STARD9: variants seen among roughly 807,000 people sequenced by gnomAD.
The protein encoded by STARD9 is StAR related lipid transfer domain containing 9.
In STARD9, 346 loss-of-function variants were observed where a neutral mutation model predicts 399.8. The ratio of observed to expected loss-of-function variants is 0.87; its 90% confidence interval spans 0.79 to 0.95. STARD9 has a LOEUF of 0.95. Among genes scored for constraint, STARD9 ranks in the 40% least tolerant of loss-of-function variants. STARD9 has a pLI of 0.00. For synonymous variants in STARD9, 2,203 were observed against 2,143.5 expected (o/e 1.03, Z -0.77); for missense variants, 5,832 against 5,667.5 (o/e 1.03, Z -0.93).
intron 17 of STARD9, 83 bp downstream of exon 17, chr15:42,674,574 C>A: frequency 2.2e-6 from 3 of 1,347,810 alleles, no homozygotes; most frequent in South Asian, 1.3e-5. Context: ...TGATGATGCT[C>A]TGAGAAGAAG....
chr15:42,666,849 C>G (rs907513121), intron 15 of STARD9, among the ~76,000 whole-genome samples: 1 of 152,178 alleles, frequency 6.6e-6, no homozygotes, highest in African/African-American at 2.4e-5. Context: ...GAGTCTCACT[C>G]TGTCACCCAG....
rs1302366060 is a variant in STARD9, at chr15:42,652,609, G to A, written c.702+17G>A. ...TACACGCAGGTTGGTAACTCCTTAT[G>A]TTTGGTGAGATTTCTTCCTCTCCTT... On this transcript the variant is annotated intron_variant, in intron 9 of 32. Transcript: ENST00000290607. The A allele has an allele frequency of 6.5e-7, 1 of 1,534,030 alleles. No individual in the cohort carries two copies. The highest frequency in any genetic ancestry group is 2.0e-5 in the Admixed American group (1 of 50,968).
At position 42,686,075 on chromosome 15, in the gene STARD9, T is replaced by C; in HGVS notation, c.4497T>C (p.Val1499=). ...QKYLLELSCP[V]LEAIGAPKPA... ...ACCTCCTTGAACTCTCTTGTCCTGTTTTGGAGGCCATAGGAGCACCCAAGC... is the reference window on the plus strand; with the variant it reads ...ACCTCCTTGAACTCTCTTGTCCTGTCTTGGAGGCCATAGGAGCACCCAAGC... Residue 1499 remains valine (V), a synonymous_variant, in exon 23 of 33, where the codon GTT becomes GTC. Transcript: ENST00000290607. 1.3e-6 allele frequency: 2 copies of C among 1,537,226 alleles called. No homozygotes were observed. Among genetic ancestry groups the C allele is most frequent in the Non-Finnish European group, 1.7e-6 (2 of 1,146,894 alleles).
In STARD9 at chr15:42,689,654, T is replaced by C; in HGVS notation, c.8076T>C (p.Phe2692=). 6.5e-7 allele frequency: 1 copy of C among 1,537,736 alleles called. No homozygotes were observed. Among genetic ancestry groups the C allele is most frequent in the South Asian group, 1.2e-5 (1 of 84,066 alleles). ...AGTTCGCGGGAGCAAGTGAACCATT[T>C]ATATGTCACTCTAGTTCTTCTGAAA... ...LRQFAGASEP[F]ICHSSSSEII... is the part of the protein sequence containing the mutation. The change falls in exon 23 of 33, where the codon TTT becomes TTC. Residue 2692 remains phenylalanine (F), a synonymous_variant. Coordinates refer to ENST00000290607, the MANE Select transcript of STARD9 (RefSeq NM_020759.3).
rs896547427 is a variant in STARD9 at position 42,655,244 on chromosome 15, T to C, written c.702+2652T>C. Among the ~76,000 whole-genome samples, 4 of 152,196 alleles carry C rather than the reference T, an allele frequency of 2.6e-5. No individual in the cohort carries two copies. In the East Asian group the frequency reaches 7.7e-4, roughly 29 times the overall value. ...TTGCAGTGAGCTGAGATCACACCGCTGCACTCCAGCCTGGGCAACAGAGTG... is the reference window on the plus strand; with the variant it reads ...TTGCAGTGAGCTGAGATCACACCGCCGCACTCCAGCCTGGGCAACAGAGTG... On this transcript the variant is annotated intron_variant, in intron 9 of 32. Coordinates refer to ENST00000290607, the MANE Select transcript of STARD9 (RefSeq NM_020759.3).
intron 9 of STARD9, among the ~76,000 whole-genome samples, chr15:42,657,360 C>A (rs76610716): frequency 8.7e-3 from 872 of 100,582 alleles, no homozygotes; most frequent in Admixed American, 0.011. Flanking sequence ...GATTCCGTCT[C>A]AAAAAAAAAA....
At chr15:42,587,552 G>GATTT (rs752307989) in intron 3 of STARD9, among the ~76,000 whole-genome samples, 3 of 151,976 alleles carry the variant, frequency 2.0e-5, no homozygotes, top group South Asian at 2.1e-4. Flanking sequence ...TGTGGCCCTT[G>GATTT]ATTTATGTAT....
chr15:42,606,547 C>G (rs2058727131), intron 3 of STARD9, among the ~76,000 whole-genome samples: 1 of 151,988 alleles, frequency 6.6e-6, no homozygotes, highest in African/African-American at 2.4e-5. Flanking sequence ...CCTTCACCTC[C>G]TGGGCTCAAG....
chr15:42,683,984 A>G (rs775415481), intron 22 of STARD9, 132 bp from the exon 23 acceptor site: 8 of 972,156 alleles, frequency 8.2e-6, no homozygotes, highest in Non-Finnish European at 1.2e-5. Context: ...ATTTCCTTTT[A>G]TACCTGGAGA....
Position 42,581,799 on chromosome 15 carries a change from A to C in STARD9, c.48-1547A>C, listed in dbSNP as rs116577253. On this transcript the variant is annotated intron_variant, in intron 1 of 32. Coordinates refer to ENST00000290607, the MANE Select transcript of STARD9 (RefSeq NM_020759.3). Reference sequence around the variant, plus strand: ...GTTTTTATGAACATTTGATAAAAGAATACATTACAACAATCTTTATTCCTC... The same window carrying C: ...GTTTTTATGAACATTTGATAAAAGACTACATTACAACAATCTTTATTCCTC... 9.0e-3 allele frequency among the ~76,000 whole-genome samples: 1,375 copies of C among 152,324 alleles called. 27 individuals carry two copies. The highest frequency in any genetic ancestry group is 0.032 in the African/African-American group (1,313 of 41,566).
chr15:42,589,952 CTTTTT>C (rs961377203), intron 3 of STARD9, among the ~76,000 whole-genome samples: 2 of 91,954 alleles, frequency 2.2e-5, no homozygotes, highest in African/African-American at 4.3e-5. Context: ...AACCTTGATT[CTTTTT>C]TTTTTTTTTT....
At chr15:42,581,524 G>T (rs1005254637) in intron 1 of STARD9, 2 of 1,387,344 alleles carry the variant, frequency 1.4e-6, no homozygotes, top group Non-Finnish European at 2.0e-6. Flanking sequence ...TGTGTGGCGG[G>T]TAGGCGGCGG....
At position 42,642,134 on chromosome 15, in the gene STARD9, G is replaced by A. The variant is rs143268428; in HGVS notation, c.559+3322G>A. 3.8e-3 allele frequency among the ~76,000 whole-genome samples: 577 copies of A among 152,276 alleles called. 2 individuals carry two copies. The highest frequency in any genetic ancestry group is 0.013 in the African/African-American group (553 of 41,546). On this transcript the variant is annotated intron_variant, in intron 7 of 32. Coordinates refer to ENST00000290607, the MANE Select transcript of STARD9 (RefSeq NM_020759.3). ...CATTCTGTGAATATGACTTTAAAGT[G>A]GAAAGTGGTTTCTGGCATGAAACCA...
chr15:42,581,682 A>AGCG (rs386382844), intron 1 of STARD9, among the ~76,000 whole-genome samples: 8 of 152,066 alleles, frequency 5.3e-5, no homozygotes, highest in African/African-American at 1.9e-4. Flanking sequence ...CAGCAGCAGC[A>AGCG]GCGGCGGCGA....
At chr15:42,615,848 TAC>T (rs1005659483) in intron 3 of STARD9, among the ~76,000 whole-genome samples, 6 of 152,320 alleles carry the variant, frequency 3.9e-5, no homozygotes, top group Non-Finnish European at 7.4e-5. Context: ...AGCTAATAGA[TAC>T]AGTCTTTATG....
chr15:42,624,668 C>A (rs2059161760), intron 3 of STARD9, among the ~76,000 whole-genome samples: 1 of 151,944 alleles, frequency 6.6e-6, no homozygotes, highest in Non-Finnish European at 1.5e-5. Context: ...TCTGCCCAAG[C>A]CTCCCAAGTA....
intron 9 of STARD9, among the ~76,000 whole-genome samples, chr15:42,654,274 G>A (rs1888791431): frequency 1.3e-5 from 2 of 152,164 alleles, no homozygotes; most frequent in Admixed American, 1.3e-4. Context: ...TACATTAAGT[G>A]TGAATTGCCT....
chr15:42,603,673 T>A (rs1446592166), intron 3 of STARD9, among the ~76,000 whole-genome samples: 1 of 151,966 alleles, frequency 6.6e-6, no homozygotes, highest in East Asian at 1.9e-4. Context: ...GGCAGGGGGC[T>A]AGGGAATGGG....
chr15:42,675,261 T>C (rs933607379), intron 18 of STARD9, among the ~76,000 whole-genome samples: 6 of 152,218 alleles, frequency 3.9e-5, no homozygotes, highest in East Asian at 1.9e-4. Context: ...AATAGAATCA[T>C]TGTGAGGATT....
Sources: allele counts gnomAD v4.1 joint callset (sites outside exome capture counted in the v4.1 genomes callset), GRCh38; gene constraint gnomAD v4.1.1; transcripts MANE v1.5; gene names NCBI Gene and HGNC (gene_info 2026-07-23, HGNC 2026-07-21).